The following LRRN2 variants were observed in gnomAD, a reference collection of about 807,000 sequenced individuals.
LRRN2 encodes leucine rich repeat neuronal 2.
LRRN2 carries 10 observed loss-of-function variants against 35.7 expected under a neutral mutation model. That is an observed-to-expected ratio of 0.28 (90% CI 0.17 to 0.47). The LOEUF (loss-of-function observed/expected upper bound fraction) is 0.47, where lower values mean the gene tolerates loss of function less well. Ranked by LOEUF, LRRN2 falls within the 20% of genes least tolerant of loss-of-function variation. The pLI, the probability that LRRN2 is intolerant of heterozygous loss-of-function variation, is 0.99. For synonymous variants in LRRN2, 391 were observed against 409.6 expected, an observed-to-expected ratio of 0.95 and a Z score of 0.55; for missense variants, 731 against 940.3, an observed-to-expected ratio of 0.78 and a Z score of 2.91.
chr1:204,638,295 T>C (rs57886440), intron 1 of LRRN2, among the ~76,000 whole-genome samples: 9,290 of 152,052 alleles, frequency 0.061, 821 homozygotes, highest in African/African-American at 0.2. Flanking sequence ...TTGTGCACCA[T>C]TTCATTGAAT....
At chr1:204,670,513 G>A (rs1293054709) in intron 1 of LRRN2, among the ~76,000 whole-genome samples, 1 of 152,158 alleles carries the variant, frequency 6.6e-6, no homozygotes, top group African/African-American at 2.4e-5. Flanking sequence ...AGGAAGCTGG[G>A]TGTCATCTGC....
At chr1:204,640,545 C>G (rs1252097715) in intron 1 of LRRN2, among the ~76,000 whole-genome samples, 2 of 152,186 alleles carry the variant, frequency 1.3e-5, no homozygotes, top group African/African-American at 2.4e-5. Flanking sequence ...CTGTGCAGCT[C>G]CTTCCGAGGA....
chr1:204,663,205 T>C (rs2149819), intron 1 of LRRN2, among the ~76,000 whole-genome samples: 62,876 of 152,034 alleles, frequency 0.41, 14,659 homozygotes, highest in Admixed American at 0.51. Context: ...GGAGTCTTCA[T>C]GGCTCCTCTG....
At chr1:204,650,167 G>A (rs2102608298) in intron 1 of LRRN2, among the ~76,000 whole-genome samples, 1 of 152,354 alleles carries the variant, frequency 6.6e-6, no homozygotes, top group Non-Finnish European at 1.5e-5. Context: ...CCACTGGCAG[G>A]TGAGGGCTCA....
At chr1:204,676,851 G>A (rs1362464100) in intron 1 of LRRN2, among the ~76,000 whole-genome samples, 1 of 152,184 alleles carries the variant, frequency 6.6e-6, no homozygotes, top group African/African-American at 2.4e-5. Context: ...CTCATTTAAT[G>A]TGGTAGTTGA....
intron 1 of LRRN2, among the ~76,000 whole-genome samples, chr1:204,636,121 G>C (rs1413887584): frequency 6.6e-6 from 1 of 152,038 alleles, no homozygotes; most frequent in African/African-American, 2.4e-5. Flanking sequence ...TACCTTCCAC[G>C]AGCATCGTCA....
chr1:204,646,234 T>C (rs905581152), intron 1 of LRRN2, among the ~76,000 whole-genome samples: 4 of 152,134 alleles, frequency 2.6e-5, no homozygotes, highest in Non-Finnish European at 5.9e-5. Context: ...GCCCATCTCA[T>C]TAGGGACCTG....
intron 1 of LRRN2, among the ~76,000 whole-genome samples, chr1:204,673,632 T>C (rs1446554654): frequency 6.6e-6 from 1 of 152,176 alleles, no homozygotes; most frequent in Non-Finnish European, 1.5e-5. Flanking sequence ...GCAGCAAAGT[T>C]GTATGCAGGA....
At chr1:204,636,733 C>T (rs1667844689) in intron 1 of LRRN2, among the ~76,000 whole-genome samples, 1 of 152,044 alleles carries the variant, frequency 6.6e-6, no homozygotes. Context: ...TGACTGCACT[C>T]CAGCCTGGGA....
chr1:204,618,209 G>A lies in LRRN2; in HGVS notation c.1784C>T (p.Ala595Val). Residue 595 changes from alanine to valine, a missense_variant, in exon 2 of 2, where the codon GCC (alanine) becomes GTC (valine). Transcript: ENST00000367177. ...ATCAGCAAAGGCCACTTGCAGGCAG[G>A]CCCAGTACTCCGTGGCCTGAAGGAG... is the stretch of plus-strand genomic sequence containing the variant. ...TRLLQATEYW[A>V]CLQVAFADAH... is the part of the protein sequence containing the mutation. 1 of 1,614,084 alleles carries A rather than the reference G, an allele frequency of 6.2e-7. No homozygotes were observed. The highest frequency in any genetic ancestry group is 8.5e-7 in the Non-Finnish European group (1 of 1,179,998).
chr1:204,672,137 A>T (rs1328452063), intron 1 of LRRN2, among the ~76,000 whole-genome samples: 2 of 152,244 alleles, frequency 1.3e-5, no homozygotes, highest in Admixed American at 6.5e-5. Context: ...TCTTAGAGAC[A>T]TTACATTCTC....
chr1:204,651,620 C>A (rs1301067930), intron 1 of LRRN2, among the ~76,000 whole-genome samples: 2 of 152,078 alleles, frequency 1.3e-5, no homozygotes, highest in South Asian at 4.1e-4. Context: ...CCCCCCAGCC[C>A]CAGGCAAACC....
intron 1 of LRRN2, chr1:204,664,441 G>GC (rs770931349): frequency 3.9e-5 from 6 of 152,190 alleles, no homozygotes; most frequent in Non-Finnish European, 8.8e-5. Flanking sequence ...GACCTCCTTT[G>GC]CCCTCCATCA....
At chr1:204,671,913 T>C (rs1571682341) in intron 1 of LRRN2, among the ~76,000 whole-genome samples, 1 of 152,068 alleles carries the variant, frequency 6.6e-6, no homozygotes, top group African/African-American at 2.4e-5. Flanking sequence ...CTGAGATAGG[T>C]GAGCCCGTGA....
chr1:204,619,556 A>G lies in LRRN2; in HGVS notation c.437T>C (p.Leu146Pro), dbSNP rs1466417478. The G allele has an allele frequency of 6.2e-7, 1 of 1,614,210 alleles. No individual in the cohort carries two copies. Among genetic ancestry groups the G allele is most frequent in the South Asian group, 1.1e-5 (1 of 91,084 alleles). The change falls in exon 2 of 2, where the codon CTC becomes CCC. Residue 146 changes from leucine (L) to proline (P), a missense_variant. By Grantham distance (98) the Leu-to-Pro change is moderately conservative (BLOSUM62 -3). This residue lies in a region of LRRN2 where 246 missense variants were observed against 289.5 expected (regional missense o/e 0.85). Transcript: ENST00000367177. ...SFAGLASLQELYLNHNQLYRI... is the reference protein window; with the variant it reads ...SFAGLASLQEPYLNHNQLYRI... ...GTAGAGCTGGTTGTGGTTGAGATAG[A>G]GTTCCTGTAGGCTGGCCAGCCCTGC...
rs376541295 is a variant in LRRN2 at position 204,618,534 on chromosome 1, C to G, written c.1459G>C (p.Val487Leu). 6.2e-7 allele frequency: 1 copy of G among 1,614,182 alleles called. No individual in the cohort carries two copies. Among genetic ancestry groups the G allele is most frequent in the Non-Finnish European group, 8.5e-7 (1 of 1,180,036 alleles). The stretch of plus-strand genomic sequence containing the variant: ...TATAGCCCTGCCTCTTCTGCTGTCA[C>G]CCTCCGCAGCTCCAGGGTCCCCTCG... ...YPEGTLELRR[V>L]TAEEAGLYTC... Residue 487 changes from valine to leucine, a missense_variant, in exon 2 of 2, where the codon GTG becomes CTG. By Grantham distance (32) the Val-to-Leu change is conservative. This residue lies in a region of LRRN2 where 256 missense variants were observed against 392.4 expected (regional missense o/e 0.65). Transcript: ENST00000367177.
chr1:204,628,721 GC>G (rs1667581289), intron 1 of LRRN2: 2 of 152,182 alleles, frequency 1.3e-5, no homozygotes, highest in Non-Finnish European at 2.9e-5. Flanking sequence ...AGCACTCCCT[GC>G]AGTCTCCAAC....
intron 1 of LRRN2, among the ~76,000 whole-genome samples, chr1:204,629,892 G>T (rs1283295765): frequency 6.6e-6 from 1 of 152,112 alleles, no homozygotes; most frequent in Non-Finnish European, 1.5e-5. Flanking sequence ...TTTATAAGTG[G>T]GAGTTAAGTA....
intron 1 of LRRN2, among the ~76,000 whole-genome samples, chr1:204,657,827 T>G (rs1367638426): frequency 6.6e-6 from 1 of 152,058 alleles, no homozygotes; most frequent in Non-Finnish European, 1.5e-5. Context: ...TAAATTGAGG[T>G]GGTGATGATG....
Sources: gnomAD v4.1 joint callset for allele counts (sites outside exome capture counted in the v4.1 genomes callset) on GRCh38, gnomAD v4.1.1 for gene constraint, gnomAD v4.1.1 regional missense constraint, MANE v1.5 for transcripts, NCBI Gene and HGNC (gene_info 2026-07-23, HGNC 2026-07-21) for gene names.